Variants in SIAH2 observed in about 807,000 individuals in gnomAD.
SIAH2 encodes the protein E3 ubiquitin-protein ligase SIAH2.
SIAH2 carries 4 observed loss-of-function variants against 20.4 expected under a neutral mutation model. The observed-to-expected ratio is 0.20, with a 90% CI of 0.10 to 0.45. The LOEUF (loss-of-function observed/expected upper bound fraction) is 0.45. Ranked by LOEUF, SIAH2 falls within the 20% of genes least tolerant of loss-of-function variation. SIAH2 has a pLI of 0.99. For missense variants in SIAH2, 259 were observed against 440.3 expected, an observed-to-expected ratio of 0.59 and a Z score of 3.69; for synonymous variants, 171 against 192.5, an observed-to-expected ratio of 0.89 and a Z score of 0.93.
rs1289994454 is a variant in SIAH2, at chr3:150,742,405, C to T, written c.711G>A (p.Glu237=). 13 of 1,614,080 alleles carry T rather than the reference C, an allele frequency of 8.1e-6. No homozygotes were observed. The highest frequency in any genetic ancestry group is 1.1e-5 in the Non-Finnish European group (13 of 1,180,046). ...AAAACTGCTGGTGGCCTTCGTACTT[C>T]TCTTGTTTCTCCAGCACCAGCATGA... The part of the protein sequence containing the change: ...HHFMLVLEKQ[E]KYEGHQQFFA... Residue 237 remains glutamate, a synonymous_variant, in exon 2 of 2, where the codon GAG becomes GAA. Transcript: ENST00000312960. This position sits in a 1 kb window ranked among gnomAD's most constrained non-coding sequence, Gnocchi z 4.8.
chr3:150,753,105 G>C (rs1576582390), intron 1 of SIAH2, among the ~76,000 whole-genome samples: 1 of 152,180 alleles, frequency 6.6e-6, no homozygotes, highest in Non-Finnish European at 1.5e-5. Context: ...CATGCAGCTG[G>C]TGCCACCATG....
intron 1 of SIAH2, among the ~76,000 whole-genome samples, chr3:150,749,990 G>A (rs1229152812): frequency 3.9e-5 from 6 of 152,132 alleles, no homozygotes; most frequent in Non-Finnish European, 8.8e-5. Context: ...TCTTTTGGGA[G>A]GTGAACCTGG....
At chr3:150,747,964 CAAAAAA>C (rs58478348) in intron 1 of SIAH2, among the ~76,000 whole-genome samples, 3 of 56,700 alleles carry the variant, frequency 5.3e-5, no homozygotes, top group African/African-American at 1.8e-4. Context: ...AACGCCATCT[CAAAAAA>C]AAAAAAAAAA....
At chr3:150,748,356 T>G (rs540847567) in intron 1 of SIAH2, among the ~76,000 whole-genome samples, 1 of 152,376 alleles carries the variant, frequency 6.6e-6, no homozygotes, top group South Asian at 2.1e-4. Context: ...ACATTATGTT[T>G]ACTTATGAAA....
At chr3:150,761,459 G>A (rs1051968146) in intron 1 of SIAH2, among the ~76,000 whole-genome samples, 1 of 152,210 alleles carries the variant, frequency 6.6e-6, no homozygotes, top group Admixed American at 6.5e-5. Context: ...GTGATAATAT[G>A]AATTTAAGAA....
At position 150,763,013 on chromosome 3, in the gene SIAH2, G is replaced by T; in HGVS notation, c.-164C>A. Reference sequence around the variant, plus strand: ...TCGGCGCCCGGCAGGCGGAGGGCTGGACCGCGCTGATGCACTCCGCAGCCC... The same window carrying T: ...TCGGCGCCCGGCAGGCGGAGGGCTGTACCGCGCTGATGCACTCCGCAGCCC... On this transcript the variant is annotated 5_prime_UTR_variant, in exon 1 of 2. Transcript: ENST00000312960. The surrounding 1 kb of genome is among the most constrained non-coding windows in gnomAD (Gnocchi z 4.1). The T allele has an allele frequency of 1.3e-6, 1 of 765,562 alleles. No individual in the cohort carries two copies. Among genetic ancestry groups the T allele is most frequent in the Non-Finnish European group, 1.6e-6 (1 of 609,766 alleles). The allele number at this position is 765,562 out of a possible 1,614,324, so 47.4% of individuals were successfully genotyped here.
At position 150,755,602 on chromosome 3, in the gene SIAH2, G is replaced by T. The variant is rs527465593; in HGVS notation, c.417+6831C>A. Among the ~76,000 whole-genome samples, 174 of 152,112 alleles carry T rather than the reference G, an allele frequency of 1.1e-3. 2 individuals are homozygous for T. Among genetic ancestry groups the T allele is most frequent in the African/African-American group, 4.1e-3 (168 of 41,478 alleles). On this transcript the variant is annotated intron_variant, in intron 1 of 1. Coordinates refer to ENST00000312960, the MANE Select transcript of SIAH2 (RefSeq NM_005067.7). ...GCGATCTCAGCTCACCACAACCTCC[G>T]CCTCCTGGGTTCAAGTGATTCTCCT...
intron 1 of SIAH2, among the ~76,000 whole-genome samples, chr3:150,759,754 G>T (rs1317948488): frequency 6.6e-6 from 1 of 151,968 alleles, no homozygotes; most frequent in Admixed American, 6.5e-5. Flanking sequence ...CAGATAGAGG[G>T]CATCCAATAA....
intron 1 of SIAH2, among the ~76,000 whole-genome samples, chr3:150,744,481 C>G (rs935480459): frequency 1.3e-5 from 2 of 152,190 alleles, no homozygotes; most frequent in African/African-American, 4.8e-5. Flanking sequence ...CATGTGTATT[C>G]ATACTTTGTG....
At chr3:150,755,639 T>C (rs1269132682) in intron 1 of SIAH2, among the ~76,000 whole-genome samples, 1 of 152,160 alleles carries the variant, frequency 6.6e-6, no homozygotes, top group Non-Finnish European at 1.5e-5. Flanking sequence ...CCTCTCAGCC[T>C]CCCAAGTAGC....
At position 150,741,966 on chromosome 3, in the gene SIAH2, C is replaced by T. The variant is rs1247060752; in HGVS notation, c.*175G>A. 13 of 634,168 alleles carry T rather than the reference C, an allele frequency of 2.0e-5. No homozygotes were observed. Among genetic ancestry groups the T allele is most frequent in the Non-Finnish European group, 3.6e-5 (13 of 360,480 alleles). The allele number at this position is 634,168 out of a possible 1,614,324, so 39.3% of individuals were successfully genotyped here. ...TCACCAACAGGCCAACCCCATTCAT[C>T]CCAGGTTAATGAACTTTGTTGGGTC... On this transcript the variant is annotated 3_prime_UTR_variant, in exon 2 of 2. Transcript: ENST00000312960.
intron 1 of SIAH2, among the ~76,000 whole-genome samples, chr3:150,745,636 C>CAG (rs1465446893): frequency 1.3e-5 from 2 of 152,096 alleles, no homozygotes; most frequent in Non-Finnish European, 2.9e-5. Context: ...GCTGGGACTA[C>CAG]AGGTGCCTGC....
chr3:150,743,329 A>G, intron 1 of SIAH2, among the ~76,000 whole-genome samples: 1 of 152,066 alleles, frequency 6.6e-6, no homozygotes, highest in East Asian at 1.9e-4. Context: ...CATCCTTTTG[A>G]CCTTCCCTCT....
At chr3:150,753,155 C>T (rs1363068486) in intron 1 of SIAH2, among the ~76,000 whole-genome samples, 1 of 152,252 alleles carries the variant, frequency 6.6e-6, no homozygotes. Flanking sequence ...CCTAGTACTT[C>T]AGACGGGCTC....
chr3:150,752,954 C>G (rs1032722455), intron 1 of SIAH2, among the ~76,000 whole-genome samples: 1 of 152,312 alleles, frequency 6.6e-6, no homozygotes, highest in South Asian at 2.1e-4. Context: ...AAAAACTGCA[C>G]GAGCATGGGT....
intron 1 of SIAH2, among the ~76,000 whole-genome samples, chr3:150,753,130 G>A (rs546254350): frequency 2.7e-4 from 41 of 152,276 alleles, no homozygotes; most frequent in African/African-American, 6.7e-4. Context: ...CAAGGTCTTC[G>A]GACTCCTTTC....
At chr3:150,760,617 A>C (rs1714585283) in intron 1 of SIAH2, among the ~76,000 whole-genome samples, 2 of 152,260 alleles carry the variant, frequency 1.3e-5, no homozygotes, top group Admixed American at 6.5e-5. Context: ...TTATGGTTAC[A>C]TTTTAAAAAC....
intron 1 of SIAH2, among the ~76,000 whole-genome samples, chr3:150,744,126 A>C (rs1714160533): frequency 6.6e-6 from 1 of 152,084 alleles, no homozygotes; most frequent in African/African-American, 2.4e-5. Context: ...AGATGAATTT[A>C]TCACTAGCAA....
chr3:150,755,188 T>C (rs964376247), intron 1 of SIAH2, among the ~76,000 whole-genome samples: 6 of 152,010 alleles, frequency 3.9e-5, no homozygotes, highest in African/African-American at 1.5e-4. Context: ...GGGGCTGCCC[T>C]CAAAACTGCC....
Sources: gnomAD v4.1 joint callset for allele counts (sites outside exome capture counted in the v4.1 genomes callset) on GRCh38, gnomAD v4.1.1 for gene constraint, Gnocchi (gnomAD v3.1) non-coding constraint, MANE v1.5 for transcripts, NCBI Gene and HGNC (gene_info 2026-07-23, HGNC 2026-07-21) for gene names.